The following ELAVL4 variants were observed in gnomAD, a reference collection of about 807,000 sequenced individuals.
The protein encoded by ELAVL4 is ELAV-like protein 4.
Under a neutral mutation model 35.6 loss-of-function variants are expected in ELAVL4, and 1 was observed. The ratio of observed to expected loss-of-function variants is 0.03; its 90% CI spans 0.01 to 0.13. The LOEUF (loss-of-function observed/expected upper bound fraction) is 0.13, where lower values mean the gene tolerates loss of function less well. Ranked by LOEUF, ELAVL4 falls within the 10% of genes least tolerant of loss-of-function variation. The pLI, the probability that ELAVL4 is intolerant of heterozygous loss-of-function variation, is 1.00. For missense variants in ELAVL4, 267 were observed against 464.9 expected (o/e 0.57, Z 3.91); for synonymous variants, 156 against 171.0 (o/e 0.91, Z 0.69).
At chr1:50,158,038 A>G (rs1676060123) in intron 2 of ELAVL4, among the ~76,000 whole-genome samples, 1 of 152,188 alleles carries the variant, frequency 6.6e-6, no homozygotes, top group African/African-American at 2.4e-5. Context: ...TCTCTGCCTT[A>G]TCATTTACTA....
At chr1:50,162,467 A>C (rs1676968512) in intron 2 of ELAVL4, among the ~76,000 whole-genome samples, 1 of 152,206 alleles carries the variant, frequency 6.6e-6, no homozygotes, top group South Asian at 2.1e-4. Flanking sequence ...TCTTTATGCC[A>C]CATGATGAGT....
At chr1:50,140,362 G>A (rs1672615773) in intron 1 of ELAVL4, among the ~76,000 whole-genome samples, 1 of 152,250 alleles carries the variant, frequency 6.6e-6, no homozygotes, top group Non-Finnish European at 1.5e-5. Context: ...ACTGGAGGAT[G>A]TGCTTTCTAC....
intron 1 of ELAVL4, among the ~76,000 whole-genome samples, chr1:50,048,738 A>G (rs576376607): frequency 2.1e-3 from 317 of 151,144 alleles, no homozygotes; most frequent in African/African-American, 7.3e-3. Flanking sequence ...CCTCTATTAC[A>G]CCCCGCTGTG....
rs545227693 is a variant in ELAVL4, at chr1:50,068,705, T to G, written c.18+20523T>G. Reference sequence around the variant, plus strand: ...AGGTGATTAAGAACTGATTTTTGAATTGCATTTCTGAACATCATGACTGGT... The same window carrying G: ...AGGTGATTAAGAACTGATTTTTGAAGTGCATTTCTGAACATCATGACTGGT... On this transcript the variant is annotated intron_variant, in intron 1 of 6. Coordinates refer to the ELAVL4 transcript ENST00000448907. 4.6e-5 allele frequency among the ~76,000 whole-genome samples: 7 copies of G among 152,334 alleles called. No homozygotes were observed. In the East Asian group the frequency reaches 9.6e-4, roughly 21 times the overall value.
intron 1 of ELAVL4, among the ~76,000 whole-genome samples, chr1:50,062,509 T>C (rs528854552): frequency 6.6e-6 from 1 of 152,228 alleles, no homozygotes; most frequent in Admixed American, 6.5e-5. Flanking sequence ...AATTGATATT[T>C]CCCAGCCTGT....
chr1:50,054,382 C>G (rs990408525), intron 1 of ELAVL4, among the ~76,000 whole-genome samples: 5 of 152,082 alleles, frequency 3.3e-5, no homozygotes, highest in Admixed American at 3.3e-4. Flanking sequence ...ATTGTCACTC[C>G]CATCTTGCCA....
At chr1:50,054,653 T>C (rs1361351023) in intron 1 of ELAVL4, among the ~76,000 whole-genome samples, 1 of 152,194 alleles carries the variant, frequency 6.6e-6, no homozygotes, top group Non-Finnish European at 1.5e-5. Flanking sequence ...TTTTTACATA[T>C]ATTAATATTA....
chr1:50,124,612 G>C lies in ELAVL4; in HGVS notation c.9+15414G>C, dbSNP rs180898008. On this transcript the variant is annotated intron_variant, in intron 1 of 6. Coordinates refer to ENST00000371824, the MANE Select transcript of ELAVL4 (RefSeq NM_001144774.3). ...GGTAGGAATTAATGAGAAACATTTA[G>C]CCTAGTGGTTATTAATAGGGATATT... is the stretch of plus-strand genomic sequence containing the variant. 4.8e-4 allele frequency among the ~76,000 whole-genome samples: 73 copies of C among 152,156 alleles called. 1 individual carries two copies. The East Asian group carries it at 0.013, about 28-fold the overall frequency.
At chr1:50,076,555 C>T (rs922654231) in intron 1 of ELAVL4, among the ~76,000 whole-genome samples, 4 of 152,116 alleles carry the variant, frequency 2.6e-5, no homozygotes, top group Non-Finnish European at 4.4e-5. Flanking sequence ...GGTGTTGGAA[C>T]ATATACCCAG....
chr1:50,106,190 G>T, upstream of ELAVL4: 3 of 823,254 alleles, frequency 3.6e-6, no homozygotes, highest in Non-Finnish European at 5.8e-6. Flanking sequence ...CTTCTCCACT[G>T]CGCGGAGTAG....
chr1:50,169,025 T>G (rs530793787), intron 2 of ELAVL4, among the ~76,000 whole-genome samples: 67 of 151,238 alleles, frequency 4.4e-4, no homozygotes, highest in Middle Eastern at 6.9e-3. Context: ...AAGTGTTAAC[T>G]TACATGATCA....
At chr1:50,126,745 C>T (rs547696389) in intron 1 of ELAVL4, among the ~76,000 whole-genome samples, 2 of 152,198 alleles carry the variant, frequency 1.3e-5, no homozygotes, top group African/African-American at 4.8e-5. Flanking sequence ...TCATCCCAAA[C>T]CTCCTTTGTT....
intron 2 of ELAVL4, among the ~76,000 whole-genome samples, chr1:50,176,562 T>C (rs766283057): frequency 6.6e-6 from 1 of 152,174 alleles, no homozygotes; most frequent in Non-Finnish European, 1.5e-5. Context: ...TACTCCAATC[T>C]AGACAATGTA....
At chr1:50,060,646 C>T (rs1337866683) in intron 1 of ELAVL4, among the ~76,000 whole-genome samples, 1 of 152,170 alleles carries the variant, frequency 6.6e-6, no homozygotes, top group Non-Finnish European at 1.5e-5. Context: ...ACTGCACTGC[C>T]ACCAGTATGA....
intron 2 of ELAVL4, among the ~76,000 whole-genome samples, chr1:50,165,580 ATATG>A: frequency 6.7e-6 from 1 of 148,266 alleles, no homozygotes; most frequent in African/African-American, 2.5e-5. Context: ...ATACACGTAT[ATATG>A]TATACATATA....
intron 2 of ELAVL4, among the ~76,000 whole-genome samples, chr1:50,155,218 C>A (rs1675522679): frequency 7.2e-6 from 1 of 138,368 alleles, no homozygotes; most frequent in Non-Finnish European, 1.5e-5. Flanking sequence ...GTTCCCCTTC[C>A]TGTGTCCATG....
intron 1 of ELAVL4, among the ~76,000 whole-genome samples, chr1:50,091,836 T>TC (rs1485835883): frequency 6.6e-6 from 1 of 152,210 alleles, no homozygotes; most frequent in Non-Finnish European, 1.5e-5. Context: ...TCATGTTTTA[T>TC]CCCCATTTAA....
intron 1 of ELAVL4, chr1:50,110,003 C>CTG (rs113726459): frequency 0.025 from 38,427 of 1,519,498 alleles, 752 homozygotes; most frequent in African/African-American, 0.17. Context: ...GGTCCCAGCC[C>CTG]TGTGTGTGTG....
chr1:50,117,903 G>A (rs1668233486), intron 1 of ELAVL4, among the ~76,000 whole-genome samples: 1 of 152,046 alleles, frequency 6.6e-6, no homozygotes, highest in African/African-American at 2.4e-5. Flanking sequence ...CCTCGGAATT[G>A]TATGGCTTTA....
Sources: allele counts gnomAD v4.1 joint callset (sites outside exome capture counted in the v4.1 genomes callset), GRCh38; gene constraint gnomAD v4.1.1; transcripts MANE v1.5; gene names NCBI Gene and HGNC (gene_info 2026-07-23, HGNC 2026-07-21).